The following SKIC3 variants were observed in gnomAD, a reference collection of about 807,000 sequenced individuals.
SKIC3 encodes SKI3 subunit of superkiller complex, also known as superkiller complex protein 3.
the SKIC3 span, chr5:95,491,153 T>A: frequency 4.9e-6 from 7 of 1,415,906 alleles, no homozygotes; most frequent in African/African-American, 7.2e-5. Flanking sequence ...TAAAAAAAAA[T>A]TTCACTTTCT....
chr5:95,479,522 A>G, the SKIC3 span, among the ~76,000 whole-genome samples: 1 of 152,146 alleles, frequency 6.6e-6, no homozygotes, highest in Non-Finnish European at 1.5e-5. Context: ...AACACAATAA[A>G]ATACTCTGAG....
chr5:95,503,016 A>C, the SKIC3 span: 5 of 1,613,852 alleles, frequency 3.1e-6, no homozygotes, highest in Non-Finnish European at 4.2e-6. Flanking sequence ...GTTACATAGA[A>C]GTGAAAACAA....
the SKIC3 span, among the ~76,000 whole-genome samples, chr5:95,532,043 T>C: frequency 1.3e-5 from 2 of 152,224 alleles, no homozygotes; most frequent in African/African-American, 2.4e-5. Context: ...ACTCTTATCT[T>C]TTATCTCTAC....
the SKIC3 span, among the ~76,000 whole-genome samples, chr5:95,554,283 T>A: frequency 6.6e-6 from 1 of 152,198 alleles, no homozygotes; most frequent in Non-Finnish European, 1.5e-5. Context: ...CTCTTTTAAC[T>A]GTCAGAATAT....
At chr5:95,546,925 C>T in the SKIC3 span, 1 of 829,168 alleles carries the variant, frequency 1.2e-6, no homozygotes, top group Non-Finnish European at 2.0e-6. Context: ...GTTAAAAGTC[C>T]AACCATTCTA....
At chr5:95,516,491 G>A in the SKIC3 span, 1 of 1,612,580 alleles carries the variant, frequency 6.2e-7, no homozygotes, top group East Asian at 2.2e-5. Flanking sequence ...ACTAAATTTT[G>A]AAGTTCTTTT....
At chr5:95,525,307 A>G in the SKIC3 span, 1 of 1,203,050 alleles carries the variant, frequency 8.3e-7, no homozygotes, top group Non-Finnish European at 1.2e-6. Flanking sequence ...ATGAAAAATC[A>G]AATCTTCATC....
chr5:95,506,996 TAAC>T, the SKIC3 span: 1 of 1,613,010 alleles, frequency 6.2e-7, no homozygotes, highest in Middle Eastern at 1.7e-4. Flanking sequence ...CTGCAGTCTG[TAAC>T]AACAAAATTG....
the SKIC3 span, chr5:95,512,415 A>C: frequency 6.5e-7 from 1 of 1,546,430 alleles, no homozygotes; most frequent in Non-Finnish European, 8.8e-7. Flanking sequence ...TAATTTTAAA[A>C]ATTATTTAAA....
At chr5:95,484,606 C>A in the SKIC3 span, 4 of 1,432,550 alleles carry the variant, frequency 2.8e-6, no homozygotes, top group East Asian at 7.0e-5. Flanking sequence ...CTCAGTCTCC[C>A]AAAGTGCCAG....
chr5:95,509,446 GA>G, the SKIC3 span: 2 of 679,800 alleles, frequency 2.9e-6, no homozygotes. Context: ...CCCAAGAACT[GA>G]AGAGGCCAGG....
At chr5:95,477,075 T>G in the SKIC3 span, among the ~76,000 whole-genome samples, 14 of 152,180 alleles carry the variant, frequency 9.2e-5, no homozygotes, top group East Asian at 1.9e-4. Flanking sequence ...AGTTCACATA[T>G]TGAAGGGCAT....
the SKIC3 span, among the ~76,000 whole-genome samples, chr5:95,481,129 C>A: frequency 6.6e-6 from 1 of 152,012 alleles, no homozygotes. Context: ...TAAAAGAAAA[C>A]ACACACATAC....
At chr5:95,522,386 T>G in the SKIC3 span, 5 of 1,516,362 alleles carry the variant, frequency 3.3e-6, no homozygotes, top group Non-Finnish European at 2.7e-6. Context: ...AAATAAATAA[T>G]TCAAGTAAAC....
chr5:95,498,441 A>G, the SKIC3 span: 152 of 1,614,070 alleles, frequency 9.4e-5, no homozygotes, highest in Non-Finnish European at 1.2e-4. Context: ...TCGCTGATGT[A>G]AGAAGGCACC....
chr5:95,499,950 C>G, the SKIC3 span, among the ~76,000 whole-genome samples: 2 of 152,058 alleles, frequency 1.3e-5, no homozygotes, highest in African/African-American at 4.8e-5. Context: ...TAGCTCTCCA[C>G]TAACAACCAA....
chr5:95,467,171 G>C, the SKIC3 span, among the ~76,000 whole-genome samples: 1 of 151,938 alleles, frequency 6.6e-6, no homozygotes, highest in Admixed American at 6.6e-5. Flanking sequence ...TGTTCTCATT[G>C]GTTCAAAGAT....
chr5:95,495,626 T>C, the SKIC3 span: 3 of 152,630 alleles, frequency 2.0e-5, no homozygotes, highest in African/African-American at 4.8e-5. Context: ...TAGAGTCGAG[T>C]AACAATGGTC....
the SKIC3 span, among the ~76,000 whole-genome samples, chr5:95,477,947 G>T: frequency 3.9e-5 from 6 of 152,142 alleles, no homozygotes; most frequent in Non-Finnish European, 8.8e-5. Flanking sequence ...AAATGAGAAT[G>T]ACTGAAATGT....
Sources: allele counts gnomAD v4.1 joint callset (sites outside exome capture counted in the v4.1 genomes callset), GRCh38; gene constraint gnomAD v4.1.1; transcripts MANE v1.5; gene names NCBI Gene and HGNC (gene_info 2026-07-23, HGNC 2026-07-21).